Variants in ZNF454 observed in about 807,000 individuals in gnomAD.
ZNF454 encodes the protein zinc finger protein 454.
In ZNF454, 30 loss-of-function variants were observed where a neutral mutation model predicts 48.2. The ratio of observed to expected loss-of-function variants is 0.62; its 90% CI spans 0.47 to 0.84. The LOEUF (loss-of-function observed/expected upper bound fraction) is 0.84. ZNF454 is among the 40% of genes least tolerant of loss of function. The probability of loss-of-function intolerance (pLI) is 0.00; values close to 1 mark genes in which losing one functional copy is unlikely to be tolerated. For missense variants in ZNF454, 510 were observed against 623.1 expected, an observed-to-expected ratio of 0.82 and a Z score of 1.93; for synonymous variants, 204 against 211.4, an observed-to-expected ratio of 0.97 and a Z score of 0.30.
chr5:178,955,491 T>G (rs900142580), intron 4 of ZNF454, among the ~76,000 whole-genome samples: 1 of 152,254 alleles, frequency 6.6e-6, no homozygotes, highest in African/African-American at 2.4e-5. Flanking sequence ...CATTGGTTTT[T>G]AAGGACCAAG....
chr5:178,985,627 C>T, the ZNF454 span: 743 of 368,170 alleles, frequency 2.0e-3, 3 homozygotes, highest in South Asian at 4.9e-3. Context: ...GGCGTGAACC[C>T]GGAAGGCAGA....
the ZNF454 span, among the ~76,000 whole-genome samples, chr5:178,989,574 CGTGGCCAGGTGAGCTAGGA>C: frequency 2.2e-4 from 33 of 150,426 alleles, 1 homozygote; most frequent in African/African-American, 7.1e-4. Flanking sequence ...GTGAGTTAGG[CGTGGCCAGGTGAGCTAGGA>C]GTGGCCAGGT....
intron 2 of ZNF454, among the ~76,000 whole-genome samples, chr5:178,945,155 C>G (rs1183506753): frequency 1.6e-4 from 10 of 61,030 alleles, no homozygotes; most frequent in Admixed American, 5.5e-4. Context: ...TGTTGAGGGT[C>G]TGGGGGATGT....
At position 178,941,343 on chromosome 5, in the gene ZNF454, T is replaced by A; in HGVS notation, c.-209T>A. 1 of 452,454 alleles carries A rather than the reference T, an allele frequency of 2.2e-6. No homozygotes were observed. Among genetic ancestry groups the A allele is most frequent in the Admixed American group, 2.4e-5 (1 of 42,144 alleles). 28.0% of individuals were successfully genotyped at this position (452,454 alleles called of 1,614,324 possible). A position where few individuals can be genotyped will look rare whatever the true frequency, so the allele number is the denominator to read the frequency against. The stretch of plus-strand genomic sequence containing the variant: ...AGCCGCAGAGGGAGAGCGGGAGCGG[T>A]CGTGAGGTCGTCTGGGGAGAAGGGC... On this transcript the variant is annotated 5_prime_UTR_variant, in exon 1 of 5. Transcript: ENST00000519564. This position sits in a 1 kb window ranked among gnomAD's most constrained non-coding sequence, Gnocchi z 5.5.
At chr5:178,949,051 T>C (rs1759454611) in intron 4 of ZNF454, among the ~76,000 whole-genome samples, 1 of 151,582 alleles carries the variant, frequency 6.6e-6, no homozygotes, top group African/African-American at 2.4e-5. Context: ...ATTTATTTTT[T>C]ATTTTTTATT....
chr5:178,955,316 G>A (rs1759704910), intron 4 of ZNF454, among the ~76,000 whole-genome samples: 1 of 152,188 alleles, frequency 6.6e-6, no homozygotes, highest in Admixed American at 6.5e-5. Flanking sequence ...TTCACCATCA[G>A]TATGATGTTA....
At chr5:178,989,158 A>T in the ZNF454 span, 1 of 1,611,016 alleles carries the variant, frequency 6.2e-7, no homozygotes, top group Non-Finnish European at 8.5e-7. Flanking sequence ...TGCCCAGAGA[A>T]AGTGTGCCCG....
chr5:178,956,685 TTA>T (rs1759770733), intron 4 of ZNF454, among the ~76,000 whole-genome samples: 1 of 142,990 alleles, frequency 7.0e-6, no homozygotes, highest in South Asian at 2.1e-4. Flanking sequence ...ATTTATTTAT[TTA>T]TTTATTTATT....
rs762863563 is a variant in ZNF454 at position 178,965,288 on chromosome 5, C to A, written c.884C>A (p.Thr295Asn). Residue 295 changes from threonine to asparagine, a missense_variant, in exon 5 of 5, where the codon ACT becomes AAT. Transcript: ENST00000519564. This position sits in a 1 kb window ranked among gnomAD's most constrained non-coding sequence, Gnocchi z 5.2. ...CTTGCCCATCATCATAGAATACATA[C>A]TGGAGAGAAACCTTTTAAATGTAAC... ...IHLAHHHRIH[T>N]GEKPFKCNIC... The A allele has an allele frequency of 6.2e-6, 10 of 1,614,092 alleles. No homozygotes were observed. Among genetic ancestry groups the A allele is most frequent in the Non-Finnish European group, 7.6e-6 (9 of 1,180,042 alleles).
chr5:178,969,274 G>C (rs1760208016), downstream of ZNF454: 5 of 366,986 alleles, frequency 1.4e-5, no homozygotes, highest in Admixed American at 1.7e-4. Context: ...ACCCCTAAAA[G>C]TACATTTCTG....
the ZNF454 span, chr5:178,989,830 C>A: frequency 3.3e-6 from 1 of 302,950 alleles, no homozygotes. Flanking sequence ...CCCAAGGCAA[C>A]CACAGGGAAT....
the ZNF454 span, chr5:178,986,929 T>C: frequency 6.2e-7 from 1 of 1,614,120 alleles, no homozygotes; most frequent in Non-Finnish European, 8.5e-7. Flanking sequence ...GAAGATGTCG[T>C]ACCGCCCGGG....
At position 178,948,326 on chromosome 5, in the gene ZNF454, C is replaced by T. The variant is rs148069481; in HGVS notation, c.250+1340C>T. ...TGTATATTCCATTACCAAACTAAGG[C>T]ATTTTAAATATTTTATTCTGTATTA... is the stretch of plus-strand genomic sequence containing the variant. On this transcript the variant is annotated intron_variant, in intron 4 of 4. Transcript: ENST00000519564. 8.7e-4 allele frequency among the ~76,000 whole-genome samples: 132 copies of T among 152,218 alleles called. 1 individual carries two copies. Among genetic ancestry groups the T allele is most frequent in the African/African-American group, 2.2e-3 (93 of 41,514 alleles).
At chr5:178,968,114 C>CACAA (rs1272726961), downstream of ZNF454, among the ~76,000 whole-genome samples, 8 of 142,106 alleles carry the variant, frequency 5.6e-5, no homozygotes, top group Non-Finnish European at 1.3e-4. Flanking sequence ...ATCACACACA[C>CACAA]ACACACACAC....
the ZNF454 span, chr5:178,985,247 G>T: frequency 2.2e-6 from 1 of 456,440 alleles, no homozygotes; most frequent in Non-Finnish European, 4.4e-6. Flanking sequence ...AGAGCATTTT[G>T]GTTTAGAAAA....
chr5:178,984,442 C>A, the ZNF454 span, among the ~76,000 whole-genome samples: 1,398 of 152,328 alleles, frequency 9.2e-3, 19 homozygotes, highest in African/African-American at 0.032. Context: ...TTTTGCAGCC[C>A]GTCATGACGT....
rs1261596825 is a variant in ZNF454 at position 178,946,388 on chromosome 5, A to T, written c.63A>T (p.Ile21=). ...CGGTGACCTTCAAGGATGTGGCTATACTGTTCACCCAGGAAGAGTGGGGGC... is the reference window on the plus strand; with the variant it reads ...CGGTGACCTTCAAGGATGTGGCTATTCTGTTCACCCAGGAAGAGTGGGGGC... The part of the protein sequence containing the change: ...QESVTFKDVA[I]LFTQEEWGQL... Residue 21 remains isoleucine (I), a synonymous_variant, in exon 3 of 5, where the codon ATA becomes ATT. Coordinates refer to ENST00000519564, the MANE Select transcript of ZNF454 (RefSeq NM_001178089.3). The surrounding 1 kb of genome is among the most constrained non-coding windows in gnomAD (Gnocchi z 4.5). 1 of 1,613,048 alleles carries T rather than the reference A, an allele frequency of 6.2e-7. No homozygotes were observed. The highest frequency in any genetic ancestry group is 1.3e-5 in the African/African-American group (1 of 74,866).
At chr5:178,983,073 C>CT in the ZNF454 span, 1 of 1,614,144 alleles carries the variant, frequency 6.2e-7, no homozygotes, top group South Asian at 1.1e-5. Context: ...GAGCAGGAGG[C>CT]TGTAGCCCAG....
chr5:178,965,286 T>C lies in ZNF454; in HGVS notation c.882T>C (p.His294=), dbSNP rs1215582587. ...ACCTTGCCCATCATCATAGAATACA[T>C]ACTGGAGAGAAACCTTTTAAATGTA... ...NIHLAHHHRI[H]TGEKPFKCNI... Residue 294 remains histidine, a synonymous_variant, in exon 5 of 5, where the codon CAT becomes CAC. Transcript: ENST00000519564. This position sits in a 1 kb window ranked among gnomAD's most constrained non-coding sequence, Gnocchi z 5.2. The C allele has an allele frequency of 6.2e-7, 1 of 1,614,070 alleles. No individual in the cohort carries two copies. Among genetic ancestry groups the C allele is most frequent in the African/African-American group, 1.3e-5 (1 of 74,932 alleles).
Sources: allele counts gnomAD v4.1 joint callset (sites outside exome capture counted in the v4.1 genomes callset), GRCh38; gene constraint gnomAD v4.1.1; non-coding constraint Gnocchi (gnomAD v3.1); transcripts MANE v1.5; gene names NCBI Gene and HGNC (gene_info 2026-07-23, HGNC 2026-07-21).